Variants in NALF1 observed in about 807,000 individuals in gnomAD.
NALF1 encodes the protein family with sequence similarity 155 member A.
Under a neutral mutation model 48.4 loss-of-function variants are expected in NALF1, and 3 were observed. The observed-to-expected ratio is 0.06, with a 90% CI of 0.03 to 0.16. NALF1 has a LOEUF of 0.16. NALF1 is among the 10% of genes least tolerant of loss of function. The pLI is 1.00. For missense variants in NALF1, 526 were observed against 571.5 expected (o/e 0.92, Z 0.81); for synonymous variants, 262 against 245.7 (o/e 1.07, Z -0.62).
chr13:107,431,127 G>C (rs1188372757), intron 1 of NALF1, among the ~76,000 whole-genome samples: 1 of 152,000 alleles, frequency 6.6e-6, no homozygotes, highest in Admixed American at 6.6e-5. Flanking sequence ...CATGTTCTTT[G>C]CCCATTGAGC....
Position 107,866,548 on chromosome 13 carries a change from T to C in NALF1, c.49A>G (p.Ile17Val). 1 of 1,613,022 alleles carries C rather than the reference T, an allele frequency of 6.2e-7. No homozygotes were observed. Among genetic ancestry groups the C allele is most frequent in the East Asian group, 2.2e-5 (1 of 44,854 alleles). ...MCRQYDDGLK[I>V]WLAAPRENEK... ...TTCTCTCGGGGTGCTGCCAACCAGA[T>C]TTTTAAGCCGTCGTCATACTGCCGA... Residue 17 changes from isoleucine (I) to valine (V), a missense_variant, in exon 1 of 3, where the codon ATC becomes GTC. Physicochemically the swap from Ile to Val is conservative, Grantham distance 29. This residue lies in a region of NALF1 where 373 missense variants were observed against 355.5 expected (regional missense o/e 1.05). Coordinates refer to ENST00000375915, the MANE Select transcript of NALF1 (RefSeq NM_001080396.3). The surrounding 1 kb of genome is among the most constrained non-coding windows in gnomAD (Gnocchi z 4.4).
chr13:107,443,214 A>C (rs9805599), intron 1 of NALF1, among the ~76,000 whole-genome samples: 5,710 of 149,790 alleles, frequency 0.038, 135 homozygotes, highest in Middle Eastern at 0.048. Flanking sequence ...CTATCTATCT[A>C]TCTATCGATA....
chr13:107,187,546 C>A (rs950702495), intron 2 of NALF1, among the ~76,000 whole-genome samples: 4 of 152,296 alleles, frequency 2.6e-5, no homozygotes, highest in African/African-American at 9.6e-5. Flanking sequence ...GATCCTGAGG[C>A]TCCTGACTTC....
At chr13:107,672,134 T>C (rs865870415) in intron 1 of NALF1, among the ~76,000 whole-genome samples, 1 of 152,138 alleles carries the variant, frequency 6.6e-6, no homozygotes, top group Admixed American at 6.5e-5. Context: ...TATTCATCAA[T>C]TAACACTCTG....
At chr13:107,463,050 G>C (rs574735470) in intron 1 of NALF1, among the ~76,000 whole-genome samples, 2 of 152,262 alleles carry the variant, frequency 1.3e-5, no homozygotes, top group South Asian at 4.1e-4. Context: ...AGATAGTTCC[G>C]ACGGATTGAG....
intron 1 of NALF1, among the ~76,000 whole-genome samples, chr13:107,718,593 TG>T (rs1477886934): frequency 2.0e-5 from 3 of 152,180 alleles, no homozygotes; most frequent in Non-Finnish European, 4.4e-5. Flanking sequence ...GAGCTTTAAA[TG>T]AGCACCAAAC....
intron 1 of NALF1, among the ~76,000 whole-genome samples, chr13:107,213,789 T>C (rs1051962040): frequency 2.6e-5 from 4 of 152,166 alleles, no homozygotes; most frequent in African/African-American, 4.8e-5. Flanking sequence ...AAAAGTGAAA[T>C]AGCACGTTAG....
chr13:107,358,140 G>A (rs1882995410), intron 1 of NALF1, among the ~76,000 whole-genome samples: 1 of 151,474 alleles, frequency 6.6e-6, no homozygotes, highest in Admixed American at 6.6e-5. Context: ...ACACATGCAT[G>A]TTTATACCTA....
intron 1 of NALF1, among the ~76,000 whole-genome samples, chr13:107,820,544 A>C (rs899518542): frequency 6.6e-5 from 10 of 152,336 alleles, no homozygotes; most frequent in African/African-American, 2.4e-4. Flanking sequence ...TTATTTTTTC[A>C]AAACCTTCCA....
intron 1 of NALF1, among the ~76,000 whole-genome samples, chr13:107,600,330 C>T (rs1054153496): frequency 1.3e-5 from 2 of 152,094 alleles, no homozygotes; most frequent in East Asian, 1.9e-4. Flanking sequence ...CAATGTCTTC[C>T]TTATATTATC....
At chr13:107,773,365 A>G (rs1877632148) in intron 1 of NALF1, among the ~76,000 whole-genome samples, 1 of 152,172 alleles carries the variant, frequency 6.6e-6, no homozygotes, top group African/African-American at 2.4e-5. Flanking sequence ...AAGCTCAGAA[A>G]CAGTGCAGAA....
intron 1 of NALF1, among the ~76,000 whole-genome samples, chr13:107,325,739 G>A (rs925960386): frequency 6.6e-6 from 1 of 150,558 alleles, no homozygotes; most frequent in Non-Finnish European, 1.5e-5. Context: ...TACTGGGGGC[G>A]CTGAGGTAGG....
At chr13:107,347,605 T>C (rs1389409598) in intron 1 of NALF1, among the ~76,000 whole-genome samples, 2 of 152,208 alleles carry the variant, frequency 1.3e-5, no homozygotes, top group East Asian at 3.9e-4. Context: ...ACAATGAGCA[T>C]GAAATGCCCA....
chr13:107,197,001 G>A (rs1017056911), intron 2 of NALF1, among the ~76,000 whole-genome samples: 2 of 152,096 alleles, frequency 1.3e-5, no homozygotes, highest in Admixed American at 1.3e-4. Flanking sequence ...ATTGGAGGTG[G>A]GGCCTTTGGA....
chr13:107,772,553 G>GA (rs1168034327), intron 1 of NALF1, among the ~76,000 whole-genome samples: 2 of 151,972 alleles, frequency 1.3e-5, no homozygotes, highest in Non-Finnish European at 2.9e-5. Context: ...AATGCTATGT[G>GA]AAAAAAAGTC....
intron 1 of NALF1, among the ~76,000 whole-genome samples, chr13:107,310,409 CAA>C (rs397955378): frequency 5.9e-4 from 47 of 80,008 alleles, no homozygotes; most frequent in African/African-American, 8.8e-4. Flanking sequence ...GATTCCATCT[CAA>C]AAAAAAAAAA....
chr13:107,613,216 T>C (rs1026935707), intron 1 of NALF1, among the ~76,000 whole-genome samples: 4 of 152,202 alleles, frequency 2.6e-5, no homozygotes, highest in Admixed American at 2.0e-4. Flanking sequence ...AAATTGCAAA[T>C]ATTTTGTTAT....
intron 1 of NALF1, among the ~76,000 whole-genome samples, chr13:107,661,195 G>A (rs923037757): frequency 3.3e-5 from 5 of 152,136 alleles, no homozygotes; most frequent in African/African-American, 1.2e-4. Flanking sequence ...ACTTTGTGTG[G>A]ATTTGGGTTT....
rs913372087 is a variant in NALF1, at chr13:107,825,255, G to T, written c.915+40427C>A. 5.9e-5 allele frequency among the ~76,000 whole-genome samples: 9 copies of T among 152,120 alleles called. 1 individual carries two copies. Among genetic ancestry groups the T allele is most frequent in the Admixed American group, 2.0e-4 (3 of 15,262 alleles). Reference sequence around the variant, plus strand: ...CCTCAGCTGCAAAGTGAGAATGTTGGTCTGCTTTGGATGTCCGAGTAAAGG... The same window carrying T: ...CCTCAGCTGCAAAGTGAGAATGTTGTTCTGCTTTGGATGTCCGAGTAAAGG... On this transcript the variant is annotated intron_variant, in intron 1 of 2. Coordinates refer to ENST00000375915, the MANE Select transcript of NALF1 (RefSeq NM_001080396.3).
Sources: gnomAD v4.1 joint callset for allele counts (sites outside exome capture counted in the v4.1 genomes callset) on GRCh38, gnomAD v4.1.1 for gene constraint, gnomAD v4.1.1 regional missense constraint, Gnocchi (gnomAD v3.1) non-coding constraint, MANE v1.5 for transcripts, NCBI Gene and HGNC (gene_info 2026-07-23, HGNC 2026-07-21) for gene names.